KIRREL3: variants seen among roughly 807,000 people sequenced by gnomAD.
KIRREL3 encodes kin of IRRE-like protein 3.
In KIRREL3, 36 loss-of-function variants were observed where a neutral mutation model predicts 89.7. That is an observed-to-expected ratio of 0.40 (90% CI 0.31 to 0.53). The LOEUF is 0.53. KIRREL3 is among the 20% of genes least tolerant of loss of function. The pLI, the probability that KIRREL3 is intolerant of heterozygous loss-of-function variation, is 0.49. For missense variants in KIRREL3, 864 were observed against 1,056.6 expected (o/e 0.82, Z 2.53); for synonymous variants, 445 against 441.4 (o/e 1.01, Z -0.10).
At chr11:126,518,308 G>A (rs1958479651) in intron 4 of KIRREL3, among the ~76,000 whole-genome samples, 1 of 152,198 alleles carries the variant, frequency 6.6e-6, no homozygotes, top group South Asian at 2.1e-4. Flanking sequence ...ATCTGAGCAC[G>A]CTGCCGGCAG....
At chr11:126,509,391 G>A (rs1303160498) in intron 4 of KIRREL3, among the ~76,000 whole-genome samples, 2 of 152,188 alleles carry the variant, frequency 1.3e-5, no homozygotes, top group Non-Finnish European at 2.9e-5. Flanking sequence ...CCTCCAGGAA[G>A]GTAGCTGTGT....
At chr11:126,510,946 G>T (rs368958028) in intron 4 of KIRREL3, among the ~76,000 whole-genome samples, 56 of 152,228 alleles carry the variant, frequency 3.7e-4, no homozygotes, top group African/African-American at 1.3e-3. Context: ...CAGTTGTCCT[G>T]GTGCCTCCAG....
chr11:126,814,145 T>A lies in KIRREL3; in HGVS notation c.55+186310A>T, dbSNP rs1253695425. The stretch of plus-strand genomic sequence containing the variant: ...AAGACATACATGTGGCCAACAAATA[T>A]ATGAAAAAAAGCTTAACATCACTGA... On this transcript the variant is annotated intron_variant, in intron 1 of 16. Transcript: ENST00000525144. The surrounding 1 kb of genome is among the most constrained non-coding windows in gnomAD (Gnocchi z 4.4). 6.6e-6 allele frequency among the ~76,000 whole-genome samples: 1 copy of A among 151,792 alleles called. No homozygotes were observed. The highest frequency in any genetic ancestry group is 1.5e-5 in the Non-Finnish European group (1 of 67,952).
intron 1 of KIRREL3, among the ~76,000 whole-genome samples, chr11:126,702,112 TG>T (rs1345106817): frequency 1.2e-4 from 18 of 152,294 alleles, no homozygotes; most frequent in African/African-American, 3.4e-4. Context: ...TCCATCATCT[TG>T]GGTAGTCTGC....
intron 1 of KIRREL3, among the ~76,000 whole-genome samples, chr11:126,863,402 C>CGTGTGT (rs1411591323): frequency 3.4e-5 from 4 of 118,412 alleles, no homozygotes; most frequent in Admixed American, 8.1e-5. Context: ...TGTGTGAGTG[C>CGTGTGT]GTGAGTGCGT....
At chr11:126,921,394 T>TCTATCTAA (rs1555088674) in intron 1 of KIRREL3, among the ~76,000 whole-genome samples, 2 of 33,018 alleles carry the variant, frequency 6.1e-5, no homozygotes, top group African/African-American at 2.5e-4. Context: ...CTGTCTTGTA[T>TCTATCTAA]CTATCTATCT....
At position 126,569,483 on chromosome 11, in the gene KIRREL3, A is replaced by G. The variant is rs534502445; in HGVS notation, c.56-6571T>C. The stretch of plus-strand genomic sequence containing the variant: ...TAAAGTCCAAGGCACAGACACTCGC[A>G]AAGAGGCCACTAAGTGCTGGGCACT... On this transcript the variant is annotated intron_variant, in intron 1 of 16. Coordinates refer to ENST00000525144, the MANE Select transcript of KIRREL3 (RefSeq NM_032531.4). This position sits in a 1 kb window ranked among gnomAD's most constrained non-coding sequence, Gnocchi z 6.5. 8.5e-5 allele frequency among the ~76,000 whole-genome samples: 13 copies of G among 152,238 alleles called. No individual in the cohort carries two copies. Among genetic ancestry groups the G allele is most frequent in the African/African-American group, 3.1e-4 (13 of 41,458 alleles).
Position 126,528,646 on chromosome 11 carries a change from T to C in KIRREL3, c.134-1959A>G, listed in dbSNP as rs1056179748. On this transcript the variant is annotated intron_variant, in intron 2 of 16. Coordinates refer to ENST00000525144, the MANE Select transcript of KIRREL3 (RefSeq NM_032531.4). The surrounding 1 kb of genome is among the most constrained non-coding windows in gnomAD (Gnocchi z 4.6). ...AGCTATGTATGGTAGGTTTTTTTTT[T>C]CCTCTCTGTCTCTTCAAGTTCTCTG... Among the ~76,000 whole-genome samples, 34 of 152,078 alleles carry C rather than the reference T, an allele frequency of 2.2e-4. No homozygotes were observed. Among genetic ancestry groups the C allele is most frequent in the African/African-American group, 9.7e-5 (4 of 41,396 alleles).
intron 1 of KIRREL3, among the ~76,000 whole-genome samples, chr11:126,913,191 G>A (rs1946896351): frequency 6.6e-6 from 1 of 152,186 alleles, no homozygotes; most frequent in Non-Finnish European, 1.5e-5. Context: ...AATAGTGATT[G>A]CAGGTGACAC....
In KIRREL3 at chr11:126,463,447, GC is replaced by G; in HGVS notation, c.592-141del. The G allele has an allele frequency of 1.2e-6, 1 of 840,280 alleles. No individual in the cohort carries two copies. The highest frequency in any genetic ancestry group is 1.8e-6 in the Non-Finnish European group (1 of 551,610). 52.1% of individuals were successfully genotyped at this position (840,280 alleles called of 1,614,324 possible). ...GGGTTCAGCTTAGGAGACCTGGGCT[GC>G]CCATGTCTACGCAGAGCTCGGGGGT... On this transcript the variant is annotated intron_variant, in intron 5 of 16. Transcript: ENST00000525144. The surrounding 1 kb of genome is among the most constrained non-coding windows in gnomAD (Gnocchi z 5.9).
intron 1 of KIRREL3, among the ~76,000 whole-genome samples, chr11:126,952,945 AC>A: frequency 6.6e-6 from 1 of 152,186 alleles, no homozygotes; most frequent in Admixed American, 6.5e-5. Flanking sequence ...AGGATTTAGA[AC>A]CAGAAATACC....
chr11:126,707,136 T>G (rs1947559421), intron 1 of KIRREL3, among the ~76,000 whole-genome samples: 1 of 151,890 alleles, frequency 6.6e-6, no homozygotes, highest in South Asian at 2.1e-4. Flanking sequence ...AATTTTTTGT[T>G]GAGATGGGGA....
Position 126,752,916 on chromosome 11 carries a change from G to A in KIRREL3, c.56-190004C>T, listed in dbSNP as rs573072746. ...CCTTTGTTGAAGGAAGTGGTAGCAG[G>A]CTGCCATGAACCCAGTTTTCTGAGC... On this transcript the variant is annotated intron_variant, in intron 1 of 16. Transcript: ENST00000525144. The surrounding 1 kb of genome is among the most constrained non-coding windows in gnomAD (Gnocchi z 4.8). 4.6e-5 allele frequency among the ~76,000 whole-genome samples: 7 copies of A among 152,294 alleles called. No individual in the cohort carries two copies. The South Asian group carries it at 1.2e-3, about 27-fold the overall frequency.
intron 1 of KIRREL3, among the ~76,000 whole-genome samples, chr11:126,923,115 T>C (rs1947427299): frequency 1.5e-5 from 1 of 65,004 alleles, no homozygotes. Context: ...CTTCTCCTTC[T>C]CCTTCTCCTT....
In KIRREL3 at chr11:126,431,854, C is replaced by A. The variant is rs1271029320; in HGVS notation, c.1589-328G>T. 6.6e-6 allele frequency among the ~76,000 whole-genome samples: 1 copy of A among 152,164 alleles called. No homozygotes were observed. The highest frequency in any genetic ancestry group is 2.4e-5 in the African/African-American group (1 of 41,432). On this transcript the variant is annotated intron_variant, in intron 13 of 16. Transcript: ENST00000525144. This position sits in a 1 kb window ranked among gnomAD's most constrained non-coding sequence, Gnocchi z 7.1. ...GGAAGACCGGAGATGAGGGGTGGGG[C>A]TGGCACGATGGAGCTCTCTCTGGCA...
Position 126,996,692 on chromosome 11 carries a change from C to T in KIRREL3, c.55+3763G>A, listed in dbSNP as rs945588727. ...TGCTGACAGCCCCTTTTGGTGTTTC[C>T]AGCCAGGCAGGAGAGCAAGTGGGCT... On this transcript the variant is annotated intron_variant, in intron 1 of 16. Coordinates refer to ENST00000525144, the MANE Select transcript of KIRREL3 (RefSeq NM_032531.4). This position sits in a 1 kb window ranked among gnomAD's most constrained non-coding sequence, Gnocchi z 4.7. Among the ~76,000 whole-genome samples, 10 of 152,176 alleles carry T rather than the reference C, an allele frequency of 6.6e-5. No homozygotes were observed. Among genetic ancestry groups the T allele is most frequent in the African/African-American group, 2.4e-4 (10 of 41,434 alleles).
chr11:126,889,764 T>G (rs1220809206), intron 1 of KIRREL3, among the ~76,000 whole-genome samples: 1 of 152,164 alleles, frequency 6.6e-6, no homozygotes, highest in East Asian at 1.9e-4. Flanking sequence ...TTGGAAAAAT[T>G]ATGAGAGCAA....
At chr11:126,712,370 T>C (rs1947795062) in intron 1 of KIRREL3, among the ~76,000 whole-genome samples, 1 of 152,048 alleles carries the variant, frequency 6.6e-6, no homozygotes, top group Admixed American at 6.5e-5. Flanking sequence ...TGAGGCAGGG[T>C]CTGGCAGGGC....
At position 126,908,735 on chromosome 11, in the gene KIRREL3, T is replaced by C. The variant is rs999951721; in HGVS notation, c.55+91720A>G. Among the ~76,000 whole-genome samples, 1 of 152,212 alleles carries C rather than the reference T, an allele frequency of 6.6e-6. No individual in the cohort carries two copies. Among genetic ancestry groups the C allele is most frequent in the Non-Finnish European group, 1.5e-5 (1 of 68,048 alleles). On this transcript the variant is annotated intron_variant, in intron 1 of 16. Transcript: ENST00000525144. This position sits in a 1 kb window ranked among gnomAD's most constrained non-coding sequence, Gnocchi z 4.2. ...ACAGTAGATTAAATATAATAGTTTC[T>C]GCTTTTATGGGGCCTATAGTCTAGG...
Sources: allele counts gnomAD v4.1 joint callset (sites outside exome capture counted in the v4.1 genomes callset), GRCh38; gene constraint gnomAD v4.1.1; non-coding constraint Gnocchi (gnomAD v3.1); transcripts MANE v1.5; gene names NCBI Gene and HGNC (gene_info 2026-07-23, HGNC 2026-07-21).